ATP8A2: variants seen among roughly 807,000 people sequenced by gnomAD.
ATP8A2 encodes the protein phospholipid-transporting ATPase IB.
ATP8A2 carries 100 observed loss-of-function variants against 165.6 expected under a neutral mutation model. The ratio of observed to expected loss-of-function variants is 0.60; its 90% CI spans 0.51 to 0.71. The LOEUF (loss-of-function observed/expected upper bound fraction) is 0.71. ATP8A2 is among the 30% of genes least tolerant of loss of function. ATP8A2 has a pLI of 0.00. For synonymous variants in ATP8A2, 543 were observed against 548.8 expected, an observed-to-expected ratio of 0.99 and a Z score of 0.15; for missense variants, 1,227 against 1,479.5, an observed-to-expected ratio of 0.83 and a Z score of 2.80.
At chr13:25,740,091 C>T (rs915959264) in intron 25 of ATP8A2, among the ~76,000 whole-genome samples, 1 of 152,110 alleles carries the variant, frequency 6.6e-6, no homozygotes, top group African/African-American at 2.4e-5. Context: ...GGGCGGATCA[C>T]AAGGTCAGGA....
Position 25,457,343 on chromosome 13 carries a change from A to G in ATP8A2, c.77-11634A>G, listed in dbSNP as rs1365911031. On this transcript the variant is annotated intron_variant, in intron 1 of 36. Transcript: ENST00000381655. ...ATTTCAGGAAACTCTTTGAAATGCC[A>G]CTCTCATTTATATAAAGGTCAGATA... Among the ~76,000 whole-genome samples the G allele has an allele frequency of 2.6e-5, 4 of 152,174 alleles. No homozygotes were observed. The East Asian group carries it at 7.7e-4, about 29-fold the overall frequency.
chr13:25,625,900 G>T (rs2041088370), intron 24 of ATP8A2, among the ~76,000 whole-genome samples: 1 of 152,118 alleles, frequency 6.6e-6, no homozygotes, highest in Admixed American at 6.6e-5. Flanking sequence ...CCTGTCAAAG[G>T]TCACACAACT....
chr13:25,630,301 A>C (rs2041209387), intron 24 of ATP8A2, among the ~76,000 whole-genome samples: 1 of 152,116 alleles, frequency 6.6e-6, no homozygotes, highest in African/African-American at 2.4e-5. Context: ...ACTCACACAG[A>C]CCCATTCGTG....
chr13:25,512,703 T>C, intron 2 of ATP8A2, among the ~76,000 whole-genome samples: 1 of 125,668 alleles, frequency 8.0e-6, no homozygotes. Flanking sequence ...CCAACCTCCC[T>C]CCCGGACGGG....
At chr13:25,813,912 C>T (rs1384192449) in intron 27 of ATP8A2, among the ~76,000 whole-genome samples, 1 of 152,178 alleles carries the variant, frequency 6.6e-6, no homozygotes, top group Non-Finnish European at 1.5e-5. Flanking sequence ...TAAAAGTCCT[C>T]CTGCCTAGCT....
At chr13:25,830,956 A>G (rs1951447503) in intron 28 of ATP8A2, among the ~76,000 whole-genome samples, 1 of 152,172 alleles carries the variant, frequency 6.6e-6, no homozygotes, top group African/African-American at 2.4e-5. Flanking sequence ...ATCTTAATCC[A>G]TATTCCAGTT....
At chr13:25,657,801 G>A (rs949554847) in intron 24 of ATP8A2, among the ~76,000 whole-genome samples, 4 of 152,182 alleles carry the variant, frequency 2.6e-5, no homozygotes, top group Admixed American at 6.5e-5. Context: ...TACTGTGTGC[G>A]TTAACACGTA....
At chr13:25,575,945 A>T (rs186027688) in intron 19 of ATP8A2, among the ~76,000 whole-genome samples, 2 of 152,358 alleles carry the variant, frequency 1.3e-5, no homozygotes, top group Admixed American at 1.3e-4. Context: ...ACAAGGATGT[A>T]TTAAAATGTA....
At chr13:25,722,530 A>T (rs1273389154) in intron 25 of ATP8A2, among the ~76,000 whole-genome samples, 1 of 152,176 alleles carries the variant, frequency 6.6e-6, no homozygotes, top group African/African-American at 2.4e-5. Context: ...CATCCTGTAC[A>T]TGCTATGTAT....
chr13:25,741,506 T>C (rs1019556989), intron 25 of ATP8A2, among the ~76,000 whole-genome samples: 2 of 151,766 alleles, frequency 1.3e-5, no homozygotes, highest in Non-Finnish European at 2.9e-5. Flanking sequence ...CTCAGCCTCC[T>C]GAATAGCTGG....
intron 25 of ATP8A2, among the ~76,000 whole-genome samples, chr13:25,763,164 T>C (rs2044418008): frequency 6.6e-6 from 1 of 152,214 alleles, no homozygotes; most frequent in Non-Finnish European, 1.5e-5. Flanking sequence ...TGCCTGTGGC[T>C]CATTTAACAA....
intron 24 of ATP8A2, among the ~76,000 whole-genome samples, chr13:25,685,258 G>A (rs1048025036): frequency 8.5e-5 from 13 of 152,178 alleles, no homozygotes; most frequent in African/African-American, 2.9e-4. Context: ...CGTCCAGGCC[G>A]ATTAGATATA....
chr13:25,878,148 G>C (rs937596335), intron 33 of ATP8A2, among the ~76,000 whole-genome samples: 2 of 152,174 alleles, frequency 1.3e-5, no homozygotes, highest in African/African-American at 4.8e-5. Flanking sequence ...CTCGGGAAGT[G>C]TCTAAGGAAT....
rs1343292722 is a variant in ATP8A2, at chr13:26,020,741, C to G, written c.*756C>G. On this transcript the variant is annotated 3_prime_UTR_variant, in exon 37 of 37. Transcript: ENST00000381655. ...GCATGGCGGCCGATGGGCAGCCAAC[C>G]CAAACCCGCGCCTTTCCTTGTTCCA... The G allele has an allele frequency of 6.6e-6, 1 of 152,376 alleles. No homozygotes were observed. The allele number at this position is 152,376 out of a possible 1,614,324, so 9.4% of individuals were successfully genotyped here. A position where few individuals can be genotyped will look rare whatever the true frequency, so the allele number is the denominator to read the frequency against.
At chr13:25,525,707 C>T (rs2037821158) in intron 2 of ATP8A2, among the ~76,000 whole-genome samples, 1 of 151,794 alleles carries the variant, frequency 6.6e-6, no homozygotes, top group Admixed American at 6.6e-5. Flanking sequence ...ACGTTATTTT[C>T]TTCTTTTCTG....
chr13:25,577,570 G>A (rs1193233796), intron 20 of ATP8A2, among the ~76,000 whole-genome samples: 2 of 151,960 alleles, frequency 1.3e-5, no homozygotes, highest in Admixed American at 6.6e-5. Context: ...ATAGAGAGAC[G>A]TGTTTTAGGT....
At chr13:25,622,758 A>T (rs1026890344) in intron 24 of ATP8A2, among the ~76,000 whole-genome samples, 6 of 152,160 alleles carry the variant, frequency 3.9e-5, no homozygotes, top group Non-Finnish European at 8.8e-5. Flanking sequence ...CTTGGGTCCC[A>T]TCCCCAAGAT....
At chr13:25,693,138 A>G (rs2042762200) in intron 24 of ATP8A2, among the ~76,000 whole-genome samples, 1 of 152,218 alleles carries the variant, frequency 6.6e-6, no homozygotes, top group Admixed American at 6.5e-5. Context: ...CTAAATAGGC[A>G]TTAACTGGCC....
chr13:26,017,713 G>A (rs577131553), intron 36 of ATP8A2, among the ~76,000 whole-genome samples: 1 of 152,206 alleles, frequency 6.6e-6, no homozygotes, highest in South Asian at 2.1e-4. Flanking sequence ...GAGAATCAAA[G>A]CACAGCCACC....
Sources: allele counts gnomAD v4.1 joint callset (sites outside exome capture counted in the v4.1 genomes callset), GRCh38; gene constraint gnomAD v4.1.1; transcripts MANE v1.5; gene names NCBI Gene and HGNC (gene_info 2026-07-23, HGNC 2026-07-21).